The following HPSE2 variants were observed in gnomAD, a reference collection of about 807,000 sequenced individuals.
HPSE2 encodes heparanase 2 (inactive), also known as inactive heparanase-2.
A neutral mutation model predicts 60.5 loss-of-function variants in HPSE2; 38 were observed. The ratio of observed to expected loss-of-function variants is 0.63; its 90% CI spans 0.48 to 0.82. HPSE2 has a LOEUF of 0.82. HPSE2 is among the 40% of genes least tolerant of loss of function. The pLI is 0.00. For missense variants in HPSE2, 713 were observed against 740.4 expected (o/e 0.96, Z 0.43); for synonymous variants, 295 against 293.2 (o/e 1.01, Z -0.06).
At chr10:99,008,106 A>G (rs1956932325) in intron 3 of HPSE2, among the ~76,000 whole-genome samples, 1 of 152,212 alleles carries the variant, frequency 6.6e-6, no homozygotes, top group African/African-American at 2.4e-5. Flanking sequence ...GCTAGAACCC[A>G]TAGAGCACCA....
intron 9 of HPSE2, among the ~76,000 whole-genome samples, chr10:98,503,212 G>GAAAAAAAA (rs1188841526): frequency 2.7e-5 from 1 of 36,574 alleles, no homozygotes; most frequent in South Asian, 8.4e-4. Context: ...GACTCCATCA[G>GAAAAAAAA]AAAAAAAGAA....
At chr10:98,743,745 T>A in intron 4 of HPSE2, 138 bp downstream of exon 4, 1 of 760,740 alleles carries the variant, frequency 1.3e-6, no homozygotes, top group Non-Finnish European at 2.3e-6. Flanking sequence ...ACCATTTGGA[T>A]AGTCAACTCA....
chr10:98,580,473 G>A (rs1282270856), intron 9 of HPSE2, among the ~76,000 whole-genome samples: 1 of 151,200 alleles, frequency 6.6e-6, no homozygotes, highest in Admixed American at 6.6e-5. Flanking sequence ...CTGTATTTGG[G>A]GACTTTTCTC....
chr10:99,006,333 C>T (rs974979531), intron 3 of HPSE2, among the ~76,000 whole-genome samples: 22 of 152,258 alleles, frequency 1.4e-4, no homozygotes, highest in African/African-American at 5.1e-4. Context: ...ATCTGTTGGA[C>T]CTTGTGGCCA....
intron 9 of HPSE2, among the ~76,000 whole-genome samples, chr10:98,611,882 T>C (rs1158987008): frequency 6.6e-6 from 1 of 152,260 alleles, no homozygotes; most frequent in Middle Eastern, 3.2e-3. Flanking sequence ...GTCTTTGTGC[T>C]GAATCAGTGG....
At chr10:99,028,279 TAATA>T (rs1957422532) in intron 3 of HPSE2, among the ~76,000 whole-genome samples, 1 of 152,142 alleles carries the variant, frequency 6.6e-6, no homozygotes, top group Admixed American at 6.5e-5. Context: ...TTATTGGAAC[TAATA>T]AATTCAGTAT....
chr10:98,926,820 A>T (rs1262341966), intron 3 of HPSE2, among the ~76,000 whole-genome samples: 2 of 152,160 alleles, frequency 1.3e-5, no homozygotes, highest in Non-Finnish European at 2.9e-5. Context: ...CAAACTGTAA[A>T]TTAAAAGAAA....
intron 3 of HPSE2, among the ~76,000 whole-genome samples, chr10:99,132,067 G>A (rs1845406209): frequency 6.6e-6 from 1 of 151,066 alleles, no homozygotes; most frequent in African/African-American, 2.4e-5. Context: ...AGCCAAGATT[G>A]TGCCATTGCA....
chr10:99,079,875 G>T (rs1282204927), intron 3 of HPSE2, among the ~76,000 whole-genome samples: 1 of 152,092 alleles, frequency 6.6e-6, no homozygotes, highest in Non-Finnish European at 1.5e-5. Context: ...AAGACATATA[G>T]CAGTCTTCTC....
chr10:98,597,727 G>T (rs577193699), intron 9 of HPSE2, among the ~76,000 whole-genome samples: 1 of 150,750 alleles, frequency 6.6e-6, no homozygotes, highest in African/African-American at 2.4e-5. Flanking sequence ...TGTAATCCCA[G>T]CATCATGGGA....
intron 8 of HPSE2, among the ~76,000 whole-genome samples, chr10:98,618,984 G>T (rs753292603): frequency 6.6e-6 from 1 of 152,192 alleles, no homozygotes; most frequent in Admixed American, 6.5e-5. Context: ...GCTACACAAC[G>T]TTAGATGCTG....
At chr10:99,300,437 T>A in the HPSE2 span, among the ~76,000 whole-genome samples, 2 of 152,118 alleles carry the variant, frequency 1.3e-5, no homozygotes, top group African/African-American at 4.8e-5. Flanking sequence ...ACCCATTTCT[T>A]AGGGCCACTG....
chr10:99,224,962 TACACTGTGACTAG>T (rs1849425499), intron 2 of HPSE2, among the ~76,000 whole-genome samples: 1 of 152,088 alleles, frequency 6.6e-6, no homozygotes, highest in Non-Finnish European at 1.5e-5. Context: ...CCACAATGAC[TACACTGTGACTAG>T]ACATGGTGAC....
chr10:99,048,668 T>C (rs1034502591), intron 3 of HPSE2, among the ~76,000 whole-genome samples: 10 of 152,198 alleles, frequency 6.6e-5, no homozygotes, highest in African/African-American at 2.4e-4. Flanking sequence ...GCAAGCAGTT[T>C]AGAGGTTTCT....
At chr10:98,744,087 TTCAAA>T (rs763014801) in intron 3 of HPSE2, 31 bp from the exon 4 acceptor site, 27 of 1,604,146 alleles carry the variant, frequency 1.7e-5, no homozygotes, top group Non-Finnish European at 2.1e-5. Flanking sequence ...GCTTGTAACT[TTCAAA>T]TCAACATTCC....
chr10:98,492,702 G>C (rs1167359894), intron 9 of HPSE2, among the ~76,000 whole-genome samples: 1 of 152,054 alleles, frequency 6.6e-6, no homozygotes, highest in South Asian at 2.1e-4. Flanking sequence ...CTCTAAAAAA[G>C]GAGATGAGGA....
chr10:98,782,937 T>C (rs1270219561), intron 3 of HPSE2, among the ~76,000 whole-genome samples: 5 of 57,028 alleles, frequency 8.8e-5, no homozygotes, highest in Non-Finnish European at 1.3e-4. Flanking sequence ...TTTTTTTTTT[T>C]AATGTTTTTT....
chr10:98,893,184 C>T (rs1953386232), intron 3 of HPSE2, among the ~76,000 whole-genome samples: 1 of 152,122 alleles, frequency 6.6e-6, no homozygotes, highest in Non-Finnish European at 1.5e-5. Context: ...TCTCCTGCCT[C>T]ATCTTCCCGA....
the HPSE2 span, among the ~76,000 whole-genome samples, chr10:99,305,864 A>T: frequency 4.6e-5 from 7 of 152,114 alleles, no homozygotes; most frequent in African/African-American, 1.4e-4. Context: ...ATCTGACATT[A>T]ATAACTCAAT....
Sources: allele counts gnomAD v4.1 joint callset (sites outside exome capture counted in the v4.1 genomes callset), GRCh38; gene constraint gnomAD v4.1.1; transcripts MANE v1.5; gene names NCBI Gene and HGNC (gene_info 2026-07-23, HGNC 2026-07-21).